Variants in CPED1 observed in about 807,000 individuals in gnomAD.
CPED1 encodes cadherin-like and PC-esterase domain-containing protein 1.
Under a neutral mutation model 128.2 loss-of-function variants are expected in CPED1, and 114 were observed. The observed-to-expected ratio is 0.89, with a 90% CI of 0.76 to 1.04. The LOEUF (loss-of-function observed/expected upper bound fraction) is 1.04, where lower values mean the gene tolerates loss of function less well. Among genes scored for constraint, CPED1 ranks in the 50% least tolerant of loss-of-function variants. CPED1 has a pLI of 0.00. For synonymous variants in CPED1, 462 were observed against 426.7 expected (o/e 1.08, Z -1.02); for missense variants, 1,211 against 1,207.1 (o/e 1.00, Z -0.05).
At chr7:121,213,422 G>A (rs1311490929) in intron 16 of CPED1, among the ~76,000 whole-genome samples, 1 of 152,020 alleles carries the variant, frequency 6.6e-6, no homozygotes, top group Admixed American at 6.6e-5. Context: ...GCATAACCAA[G>A]TTCTCTATAA....
chr7:121,212,211 A>T (rs781677919), intron 16 of CPED1, among the ~76,000 whole-genome samples: 1 of 152,042 alleles, frequency 6.6e-6, no homozygotes, highest in African/African-American at 2.4e-5. Flanking sequence ...TCAGTCCCCA[A>T]ATGCAACTAG....
chr7:121,127,264 G>T lies in CPED1; in HGVS notation c.1302+7G>T. On this transcript the variant is annotated splice_region_variant and intron_variant, in intron 10 of 22. Coordinates refer to ENST00000310396, the MANE Select transcript of CPED1 (RefSeq NM_024913.5). ...TAGATCAGATGTTTTCAAGGTAAGT[G>T]CATATTTGTGTACTGATAAATATTT... 1 of 1,529,378 alleles carries T rather than the reference G, an allele frequency of 6.5e-7. No individual in the cohort carries two copies. Among genetic ancestry groups the T allele is most frequent in the East Asian group, 2.3e-5 (1 of 44,126 alleles). The allele number at this position is 1,529,378 out of a possible 1,614,324, so 94.7% of individuals were successfully genotyped here.
At chr7:121,295,273 T>C (rs1792800142) in intron 22 of CPED1, among the ~76,000 whole-genome samples, 167 bp from the exon 23 acceptor site, 1 of 152,152 alleles carries the variant, frequency 6.6e-6, no homozygotes, top group Non-Finnish European at 1.5e-5. Flanking sequence ...TTAACCTTGG[T>C]CTTTTTCGAA....
chr7:121,281,003 C>T (rs1431704519), intron 22 of CPED1, among the ~76,000 whole-genome samples: 1 of 152,136 alleles, frequency 6.6e-6, no homozygotes, highest in Non-Finnish European at 1.5e-5. Flanking sequence ...TCTTCAGACC[C>T]CATCCATGAT....
chr7:121,034,247 C>CTTTTTTTTTTTTTTTTTTTT (rs3067998), intron 3 of CPED1, among the ~76,000 whole-genome samples: 1 of 113,954 alleles, frequency 8.8e-6, no homozygotes, highest in Non-Finnish European at 1.7e-5. Context: ...GTTTTTTTTT[C>CTTTTTTTTTTTTTTTTTTTT]TTTTTTTTTT....
intron 19 of CPED1, 29 bp downstream of exon 19, chr7:121,266,476 A>C (rs1792126796): frequency 6.5e-7 from 1 of 1,548,636 alleles, no homozygotes; most frequent in African/African-American, 1.4e-5. Flanking sequence ...GAAAGACACA[A>C]AACCCACAAA....
intron 16 of CPED1, among the ~76,000 whole-genome samples, chr7:121,235,422 C>A (rs1275090445): frequency 6.6e-6 from 1 of 152,112 alleles, no homozygotes; most frequent in African/African-American, 2.4e-5. Context: ...CCCCACCATT[C>A]CTCTTGTTCC....
At chr7:121,170,717 A>G (rs186915334) in intron 16 of CPED1, among the ~76,000 whole-genome samples, 2 of 152,274 alleles carry the variant, frequency 1.3e-5, no homozygotes, top group East Asian at 3.9e-4. Context: ...GATGGAGAAG[A>G]TCAAAGTTTA....
At chr7:121,119,899 A>G (rs1375720973) in intron 7 of CPED1, among the ~76,000 whole-genome samples, 1 of 152,108 alleles carries the variant, frequency 6.6e-6, no homozygotes, top group East Asian at 1.9e-4. Flanking sequence ...GATACCTCAC[A>G]TAAGTGGAAT....
chr7:121,160,106 G>GT (rs11418465), intron 16 of CPED1, among the ~76,000 whole-genome samples: 149,085 of 150,906 alleles, frequency 0.99, 73,666 homozygotes, highest in South Asian at 1. Context: ...TCACCAAATT[G>GT]TTTTTTTTTA....
At chr7:121,294,166 T>G (rs1265097129) in intron 22 of CPED1, among the ~76,000 whole-genome samples, 1 of 152,122 alleles carries the variant, frequency 6.6e-6, no homozygotes, top group African/African-American at 2.4e-5. Context: ...TAGGACAACG[T>G]TTGTAAAATG....
chr7:121,121,132 A>G (rs1195218928), intron 7 of CPED1, among the ~76,000 whole-genome samples: 1 of 152,188 alleles, frequency 6.6e-6, no homozygotes, highest in Admixed American at 6.5e-5. Context: ...GGCGGAACCC[A>G]GAACATAACA....
intron 4 of CPED1, chr7:121,050,968 C>T (rs1352526745): frequency 2.0e-6 from 1 of 511,490 alleles, no homozygotes; most frequent in Non-Finnish European, 4.0e-6. Context: ...GAGATTGGCG[C>T]AGTTGTCAGC....
chr7:121,240,952 A>G (rs1483343689), intron 17 of CPED1, among the ~76,000 whole-genome samples: 2 of 152,234 alleles, frequency 1.3e-5, no homozygotes, highest in East Asian at 3.9e-4. Flanking sequence ...GGCTGTGTCT[A>G]TATCAAAGAT....
intron 5 of CPED1, among the ~76,000 whole-genome samples, chr7:121,092,920 A>T (rs1366875541): frequency 6.6e-6 from 1 of 152,182 alleles, no homozygotes; most frequent in East Asian, 1.9e-4. Flanking sequence ...AGGGTCACAG[A>T]GATTCAAGAT....
At chr7:121,043,433 A>G (rs896297782) in intron 3 of CPED1, among the ~76,000 whole-genome samples, 6 of 152,232 alleles carry the variant, frequency 3.9e-5, no homozygotes, top group African/African-American at 1.2e-4. Flanking sequence ...CAAAGGGTAT[A>G]TTCAAACATC....
chr7:121,151,533 A>T lies in CPED1; in HGVS notation c.2055+9392A>T, dbSNP rs1287094704. ...TTGGAATTGTGTGCTTTTTTCAATG[A>T]TCTGTATTAGCACAAAGAATCAACA... On this transcript the variant is annotated intron_variant, in intron 16 of 22. Transcript: ENST00000310396. Among the ~76,000 whole-genome samples the T allele has an allele frequency of 2.6e-5, 4 of 152,306 alleles. No individual in the cohort carries two copies. The East Asian group carries it at 7.7e-4, about 29-fold the overall frequency.
At chr7:121,159,823 G>C (rs10232353) in intron 16 of CPED1, among the ~76,000 whole-genome samples, 15,907 of 152,056 alleles carry the variant, frequency 0.1, 1,412 homozygotes, top group African/African-American at 0.24. Flanking sequence ...TCATCCTCAC[G>C]TAGCACAATG....
intron 7 of CPED1, among the ~76,000 whole-genome samples, chr7:121,104,892 A>G (rs1306487549): frequency 6.6e-6 from 1 of 152,180 alleles, no homozygotes; most frequent in Non-Finnish European, 1.5e-5. Flanking sequence ...GGTAAATATT[A>G]TACAAATGAT....
Sources: allele counts gnomAD v4.1 joint callset (sites outside exome capture counted in the v4.1 genomes callset), GRCh38; gene constraint gnomAD v4.1.1; transcripts MANE v1.5; gene names NCBI Gene and HGNC (gene_info 2026-07-23, HGNC 2026-07-21).